CDKAL1: variants seen among roughly 807,000 people sequenced by gnomAD.
CDKAL1 encodes the protein threonylcarbamoyladenosine tRNA methylthiotransferase.
Under a neutral mutation model 68.2 loss-of-function variants are expected in CDKAL1, and 32 were observed. That is an observed-to-expected ratio of 0.47 (90% CI 0.35 to 0.63). CDKAL1 has a LOEUF of 0.63. CDKAL1 is among the 30% of genes least tolerant of loss of function. CDKAL1 has a pLI of 0.00. For missense variants in CDKAL1, 606 were observed against 696.7 expected, an observed-to-expected ratio of 0.87 and a Z score of 1.47; for synonymous variants, 234 against 244.3, an observed-to-expected ratio of 0.96 and a Z score of 0.39.
intron 10 of CDKAL1, among the ~76,000 whole-genome samples, chr6:20,988,182 ATGTGTGTGTGTGTGTGTG>A (rs58720900): frequency 7.3e-6 from 1 of 137,388 alleles, no homozygotes; most frequent in African/African-American, 2.7e-5. Flanking sequence ...GAAACATAAT[ATGTGTGTGTGTGTGTGTG>A]TGTGTGTGTG....
At chr6:21,011,517 G>C (rs910813385) in intron 11 of CDKAL1, among the ~76,000 whole-genome samples, 2 of 152,202 alleles carry the variant, frequency 1.3e-5, no homozygotes, top group Non-Finnish European at 2.9e-5. Flanking sequence ...TATAGACCGT[G>C]TGTCTGGCAC....
chr6:20,838,088 A>G (rs1778029791), intron 8 of CDKAL1, among the ~76,000 whole-genome samples: 1 of 151,948 alleles, frequency 6.6e-6, no homozygotes, highest in African/African-American at 2.4e-5. Flanking sequence ...GTATACATCT[A>G]CTTTACATAA....
intron 8 of CDKAL1, among the ~76,000 whole-genome samples, chr6:20,795,173 TTA>T (rs1345593669): frequency 2.0e-5 from 3 of 152,134 alleles, no homozygotes; most frequent in East Asian, 3.8e-4. Flanking sequence ...TCCTATAGGT[TTA>T]TATGTTTGTA....
At chr6:20,833,375 T>C (rs546112894) in intron 8 of CDKAL1, among the ~76,000 whole-genome samples, 2 of 152,290 alleles carry the variant, frequency 1.3e-5, no homozygotes, top group East Asian at 3.9e-4. Context: ...CCTATACGTG[T>C]TCTTAACTAA....
intron 10 of CDKAL1, among the ~76,000 whole-genome samples, chr6:20,961,269 A>G (rs1765043470): frequency 6.6e-6 from 1 of 152,208 alleles, no homozygotes; most frequent in Non-Finnish European, 1.5e-5. Context: ...ATAAAAAAGA[A>G]CAAGATCATG....
chr6:21,171,275 C>T (rs369644200), intron 13 of CDKAL1, among the ~76,000 whole-genome samples: 1 of 152,038 alleles, frequency 6.6e-6, no homozygotes, highest in South Asian at 2.1e-4. Flanking sequence ...TGCAGTGGTA[C>T]GATCTCAGCT....
chr6:21,166,010 G>T (rs932693570), intron 13 of CDKAL1, among the ~76,000 whole-genome samples: 1 of 152,170 alleles, frequency 6.6e-6, no homozygotes, highest in African/African-American at 2.4e-5. Context: ...ATTCTATGCT[G>T]TAGTTCCCGA....
At chr6:20,936,266 T>C (rs984666516) in intron 9 of CDKAL1, among the ~76,000 whole-genome samples, 1 of 135,112 alleles carries the variant, frequency 7.4e-6, no homozygotes, top group African/African-American at 2.8e-5. Context: ...TTTTTTTTTT[T>C]TTGAGACGGA....
At chr6:20,783,149 CAA>C (rs1775505519) in intron 8 of CDKAL1, among the ~76,000 whole-genome samples, 2 of 152,220 alleles carry the variant, frequency 1.3e-5, no homozygotes, top group South Asian at 4.2e-4. Flanking sequence ...CTGCTAGTCT[CAA>C]ACTCCTGAAC....
intron 4 of CDKAL1, among the ~76,000 whole-genome samples, chr6:20,608,752 C>T (rs532973628): frequency 3.9e-5 from 6 of 152,228 alleles, no homozygotes; most frequent in South Asian, 2.1e-4. Flanking sequence ...AATGCTTGTT[C>T]GGCATCTTTC....
chr6:20,896,084 T>C (rs1336172354), intron 9 of CDKAL1, among the ~76,000 whole-genome samples: 1 of 128,622 alleles, frequency 7.8e-6, no homozygotes, highest in African/African-American at 2.8e-5. Flanking sequence ...TTTTTCTTTT[T>C]TTTCTTTTCT....
intron 4 of CDKAL1, among the ~76,000 whole-genome samples, chr6:20,638,298 A>G (rs1007264027): frequency 6.6e-6 from 1 of 152,254 alleles, no homozygotes; most frequent in African/African-American, 2.4e-5. Context: ...TTAAGAATGA[A>G]GTTGAACATC....
intron 15 of CDKAL1, among the ~76,000 whole-genome samples, chr6:21,215,302 AG>A (rs1779301630): frequency 6.6e-6 from 1 of 152,212 alleles, no homozygotes; most frequent in Admixed American, 6.5e-5. Context: ...GTGCTTTTCA[AG>A]CCTCTGCATG....
At chr6:20,767,493 A>T (rs780251981) in intron 7 of CDKAL1, among the ~76,000 whole-genome samples, 2 of 152,156 alleles carry the variant, frequency 1.3e-5, no homozygotes, top group African/African-American at 2.4e-5. Flanking sequence ...TTTTATTGTT[A>T]TGGAAATAAT....
At chr6:20,841,004 T>C (rs1327365805) in intron 8 of CDKAL1, among the ~76,000 whole-genome samples, 2 of 152,158 alleles carry the variant, frequency 1.3e-5, no homozygotes, top group African/African-American at 4.8e-5. Context: ...GTAACATTGG[T>C]TTTTTGTTTT....
intron 10 of CDKAL1, among the ~76,000 whole-genome samples, chr6:20,987,754 T>G (rs367590821): frequency 3.5e-4 from 53 of 152,206 alleles, no homozygotes; most frequent in African/African-American, 1.3e-3. Flanking sequence ...GTTATTCCAC[T>G]TACTGCTCTT....
At chr6:20,586,345 G>A (rs1256659857) in intron 4 of CDKAL1, among the ~76,000 whole-genome samples, 1 of 152,050 alleles carries the variant, frequency 6.6e-6, no homozygotes, top group Non-Finnish European at 1.5e-5. Flanking sequence ...TGCAAAAATG[G>A]AAGTGCTCGG....
At chr6:20,713,603 C>T (rs1771947542) in intron 5 of CDKAL1, among the ~76,000 whole-genome samples, 1 of 152,154 alleles carries the variant, frequency 6.6e-6, no homozygotes, top group South Asian at 2.1e-4. Context: ...ATGGTAAGCA[C>T]ATTTGCAAAG....
At chr6:20,758,295 C>A (rs2819998) in intron 6 of CDKAL1, among the ~76,000 whole-genome samples, 1 of 152,030 alleles carries the variant, frequency 6.6e-6, no homozygotes, top group African/African-American at 2.4e-5. Context: ...ACTTAAGTTT[C>A]TGTCTCAGGA....
Sources: allele counts gnomAD v4.1 joint callset (sites outside exome capture counted in the v4.1 genomes callset), GRCh38; gene constraint gnomAD v4.1.1; transcripts MANE v1.5; gene names NCBI Gene and HGNC (gene_info 2026-07-23, HGNC 2026-07-21).